The following UVRAG variants were observed in gnomAD, a reference collection of about 807,000 sequenced individuals.
The protein encoded by UVRAG is UV radiation resistance associated, also known as UV radiation resistance-associated gene protein.
A neutral mutation model predicts 78.0 loss-of-function variants in UVRAG; 19 were observed. The ratio of observed to expected loss-of-function variants is 0.24; its 90% CI spans 0.17 to 0.36. The LOEUF (loss-of-function observed/expected upper bound fraction) is 0.36. Among genes scored for constraint, UVRAG ranks in the 10% least tolerant of loss-of-function variants. The pLI, the probability that UVRAG is intolerant of heterozygous loss-of-function variation, is 1.00. For missense variants in UVRAG, 740 were observed against 853.8 expected (o/e 0.87, Z 1.66); for synonymous variants, 323 against 324.6 (o/e 1.00, Z 0.05).
intron 6 of UVRAG, among the ~76,000 whole-genome samples, chr11:75,952,445 GT>G (rs796146395): frequency 3.9e-4 from 57 of 146,810 alleles, no homozygotes; most frequent in Admixed American, 8.8e-4. Context: ...TTTGTTGAGG[GT>G]TTTTTTTTTA....
chr11:75,979,554 A>C (rs1591088345), intron 7 of UVRAG: 1 of 154,170 alleles, frequency 6.5e-6, no homozygotes, highest in Non-Finnish European at 1.4e-5. Flanking sequence ...AGCTTTGTTT[A>C]CCTGCTCAAG....
chr11:75,950,737 C>A (rs1257805422), intron 6 of UVRAG, among the ~76,000 whole-genome samples: 1 of 152,072 alleles, frequency 6.6e-6, no homozygotes, highest in Non-Finnish European at 1.5e-5. Flanking sequence ...TAAGTTCTAG[C>A]CATTATAATA....
chr11:75,877,911 G>T (rs1946838672), intron 3 of UVRAG, among the ~76,000 whole-genome samples: 2 of 147,194 alleles, frequency 1.4e-5, no homozygotes, highest in African/African-American at 5.0e-5. Context: ...CTGGCGGGGG[G>T]CTGACCCCCC....
In UVRAG at chr11:75,961,485, CT is replaced by C; in HGVS notation, c.636del (p.Val213PhefsTer12). 6.2e-7 allele frequency: 1 copy of C among 1,604,958 alleles called. No individual in the cohort carries two copies. Among genetic ancestry groups the C allele is most frequent in the Non-Finnish European group, 8.5e-7 (1 of 1,178,004 alleles). On this transcript the variant is annotated frameshift_variant, in exon 7 of 15. Transcript: ENST00000356136. LOFTEE classifies it high-confidence loss of function. ...TGTGCAATTAAACAGACTCAGGTAA[CT>C]GTTCAGAAAATTGGAAAGGAAATTG... ...AQCAIKQTQV[T>X]VQKIGKEIEE...
At chr11:75,982,775 A>G (rs894523443) in intron 7 of UVRAG, among the ~76,000 whole-genome samples, 3 of 152,138 alleles carry the variant, frequency 2.0e-5, no homozygotes, top group Admixed American at 2.0e-4. Flanking sequence ...GCCTTTTAAA[A>G]CTGGATTCTT....
intron 1 of UVRAG, among the ~76,000 whole-genome samples, chr11:75,838,525 ACTCT>A (rs984961178): frequency 1.3e-4 from 20 of 150,278 alleles, no homozygotes; most frequent in African/African-American, 4.4e-4. Flanking sequence ...TTTCATAGAG[ACTCT>A]CTCTCTATAT....
At chr11:76,004,224 C>T in intron 9 of UVRAG, 135 bp downstream of exon 9, 1 of 789,276 alleles carries the variant, frequency 1.3e-6, no homozygotes. Context: ...GTTTATTCAA[C>T]ACATATTCAT....
At chr11:75,853,805 C>T (rs967177431) in intron 2 of UVRAG, among the ~76,000 whole-genome samples, 1 of 151,990 alleles carries the variant, frequency 6.6e-6, no homozygotes, top group African/African-American at 2.4e-5. Flanking sequence ...CAGAGTCTCG[C>T]TCCGTTGCCC....
At chr11:76,096,621 AGGAGTCT>A (rs1314515866) in intron 13 of UVRAG, among the ~76,000 whole-genome samples, 1 of 152,200 alleles carries the variant, frequency 6.6e-6, no homozygotes, top group Non-Finnish European at 1.5e-5. Context: ...GCTGTAGAAA[AGGAGTCT>A]GCTCTGTGGA....
At chr11:75,830,780 A>G (rs1945638533) in intron 1 of UVRAG, among the ~76,000 whole-genome samples, 1 of 152,132 alleles carries the variant, frequency 6.6e-6, no homozygotes, top group Non-Finnish European at 1.5e-5. Context: ...TGTCTCGAAT[A>G]CTTTCATTCT....
rs142917819 is a variant in UVRAG at position 75,917,674 on chromosome 11, T to C, written c.593+5635T>C. On this transcript the variant is annotated intron_variant, in intron 6 of 14. Coordinates refer to ENST00000356136, the MANE Select transcript of UVRAG (RefSeq NM_003369.4). ...CCCAAAGTGTCTGGAGCCACACTCA[T>C]CGCGTTAATACTCCTCTTCCTTTTC... Among the ~76,000 whole-genome samples, 256 of 152,302 alleles carry C rather than the reference T, an allele frequency of 1.7e-3. 2 individuals carry two copies. The highest frequency in any genetic ancestry group is 5.9e-3 in the African/African-American group (247 of 41,574).
intron 13 of UVRAG, among the ~76,000 whole-genome samples, chr11:76,111,907 TA>T (rs111492918): frequency 1.1e-4 from 13 of 119,272 alleles, no homozygotes; most frequent in Admixed American, 2.6e-4. Context: ...CCTCTAATAT[TA>T]AAAAAAAAAG....
chr11:75,865,039 G>C (rs1409494647), intron 3 of UVRAG, among the ~76,000 whole-genome samples: 1 of 152,206 alleles, frequency 6.6e-6, no homozygotes, highest in Non-Finnish European at 1.5e-5. Context: ...TGTAATCCCA[G>C]CACTTTGGGA....
chr11:76,118,212 A>G lies in UVRAG; in HGVS notation c.1397+2197A>G, dbSNP rs118036563. 4.2e-3 allele frequency among the ~76,000 whole-genome samples: 645 copies of G among 152,334 alleles called. 3 individuals are homozygous for G. Among genetic ancestry groups the G allele is most frequent in the Non-Finnish European group, 4.6e-3 (311 of 68,036 alleles). ...CTGTTGTAAATTTTTTTATTATAAT[A>G]GTTAACATTTTCTGGCTGATGTACA... On this transcript the variant is annotated intron_variant, in intron 14 of 14. Transcript: ENST00000356136.
intron 13 of UVRAG, among the ~76,000 whole-genome samples, chr11:76,101,196 TAA>T (rs908589528): frequency 2.0e-5 from 3 of 152,178 alleles, no homozygotes; most frequent in Non-Finnish European, 4.4e-5. Flanking sequence ...ATGGTTGAAC[TAA>T]TTTACACTCC....
intron 5 of UVRAG, among the ~76,000 whole-genome samples, chr11:75,900,856 A>C (rs1021990095): frequency 6.6e-6 from 1 of 152,222 alleles, no homozygotes; most frequent in Non-Finnish European, 1.5e-5. Context: ...TAATGACACT[A>C]TTCTTATTTC....
chr11:76,042,826 A>G (rs1950675364), intron 12 of UVRAG, among the ~76,000 whole-genome samples: 1 of 152,208 alleles, frequency 6.6e-6, no homozygotes, highest in Non-Finnish European at 1.5e-5. Context: ...CACAGGAGAA[A>G]AGTCTGCCAT....
chr11:76,114,986 A>G (rs532479779), intron 13 of UVRAG, among the ~76,000 whole-genome samples: 112 of 152,352 alleles, frequency 7.4e-4, no homozygotes, highest in South Asian at 6.2e-3. Flanking sequence ...TTCATGTGTA[A>G]TATGTCATTT....
chr11:75,965,070 T>C (rs1591069972), intron 7 of UVRAG, among the ~76,000 whole-genome samples: 1 of 152,222 alleles, frequency 6.6e-6, no homozygotes, highest in African/African-American at 2.4e-5. Flanking sequence ...GTGGTTTTTC[T>C]GGGTTCTTTA....
Sources: gnomAD v4.1 joint callset for allele counts (sites outside exome capture counted in the v4.1 genomes callset) on GRCh38, gnomAD v4.1.1 for gene constraint, MANE v1.5 for transcripts, NCBI Gene and HGNC (gene_info 2026-07-23, HGNC 2026-07-21) for gene names.